The following MYOM1 variants were observed in gnomAD, a reference collection of about 807,000 sequenced individuals.
The protein encoded by MYOM1 is myomesin 1.
In MYOM1, 164 loss-of-function variants were observed where a neutral mutation model predicts 205.3. That is an observed-to-expected ratio of 0.80 (90% confidence interval 0.70 to 0.91). The LOEUF (loss-of-function observed/expected upper bound fraction) is 0.91. MYOM1 is among the 40% of genes least tolerant of loss of function. The pLI is 0.00. For synonymous variants in MYOM1, 772 were observed against 789.4 expected (o/e 0.98, Z 0.37); for missense variants, 2,011 against 2,127.3 (o/e 0.95, Z 1.08).
In MYOM1 at chr18:3,083,970, T is replaced by G; in HGVS notation, c.4378+19A>C. On this transcript the variant is annotated intron_variant, in intron 32 of 37. Transcript: ENST00000356443. ...GGAGGATCATAAAGCATTGTTGTGG[T>G]GCGAAATGTTTGACTCACCTATTTT... The G allele has an allele frequency of 6.3e-7, 1 of 1,586,794 alleles. No individual in the cohort carries two copies.
At chr18:3,079,586 C>G (rs992713681) in intron 33 of MYOM1, among the ~76,000 whole-genome samples, 1 of 151,104 alleles carries the variant, frequency 6.6e-6, no homozygotes, top group South Asian at 2.1e-4. Context: ...AGTCTGAGGC[C>G]CAGTGCAAAT....
At chr18:3,159,299 A>T (rs2144027472) in intron 10 of MYOM1, among the ~76,000 whole-genome samples, 1 of 152,236 alleles carries the variant, frequency 6.6e-6, no homozygotes, top group East Asian at 1.9e-4. Flanking sequence ...TTCTGCAGAC[A>T]TATGGTGCTT....
intron 8 of MYOM1, among the ~76,000 whole-genome samples, chr18:3,172,325 G>C (rs1421061584): frequency 6.6e-6 from 1 of 152,122 alleles, no homozygotes; most frequent in Non-Finnish European, 1.5e-5. Flanking sequence ...GTAAGATTTA[G>C]CAATAAGAGA....
intron 20 of MYOM1, among the ~76,000 whole-genome samples, chr18:3,116,869 T>C (rs932798864): frequency 1.3e-5 from 2 of 152,138 alleles, no homozygotes. Flanking sequence ...TTGATTTTTA[T>C]TTTTAGACAC....
chr18:3,140,943 C>T (rs945130551), intron 14 of MYOM1, among the ~76,000 whole-genome samples: 5 of 152,176 alleles, frequency 3.3e-5, no homozygotes, highest in Admixed American at 6.5e-5. Flanking sequence ...TGGTGCATCA[C>T]TACCAATAAA....
At chr18:3,121,103 AAG>A (rs1420545635) in intron 19 of MYOM1, among the ~76,000 whole-genome samples, 1 of 152,198 alleles carries the variant, frequency 6.6e-6, no homozygotes, top group African/African-American at 2.4e-5. Flanking sequence ...AAAAATGGGA[AAG>A]AGAGAAAAGT....
chr18:3,129,680 T>A (rs2079848062), intron 17 of MYOM1, 161 bp from the exon 18 acceptor site: 1 of 648,316 alleles, frequency 1.5e-6, no homozygotes, highest in South Asian at 2.9e-5. Flanking sequence ...ATGGAAAGAC[T>A]ACATTTCACA....
intron 10 of MYOM1, among the ~76,000 whole-genome samples, chr18:3,162,077 G>T (rs551287850): frequency 7.9e-5 from 12 of 152,288 alleles, no homozygotes; most frequent in Admixed American, 3.3e-4. Flanking sequence ...ACTCTATTTA[G>T]TGTAAGAGAG....
rs772656835 is a variant in MYOM1, at chr18:3,112,289, A to G, written c.3418+9T>C. ...TAGGATTAGTTTTAATGAAAAGGTG[A>G]AAGCCCACCTGGACGGGTCTCTGCC... is the stretch of plus-strand genomic sequence containing the variant. On this transcript the variant is annotated intron_variant, in intron 22 of 37. Coordinates refer to ENST00000356443, the MANE Select transcript of MYOM1 (RefSeq NM_003803.4). The G allele has an allele frequency of 5.6e-6, 9 of 1,611,720 alleles. No individual in the cohort carries two copies. In the East Asian group the frequency reaches 2.0e-4, roughly 36 times the overall value.
intron 5 of MYOM1, among the ~76,000 whole-genome samples, chr18:3,184,905 T>C (rs958973208): frequency 1.4e-4 from 21 of 152,214 alleles, no homozygotes; most frequent in African/African-American, 5.1e-4. Flanking sequence ...AATGAGCCCC[T>C]AGGACATAAA....
chr18:3,182,895 A>G (rs545389736), intron 5 of MYOM1, among the ~76,000 whole-genome samples: 3 of 149,984 alleles, frequency 2.0e-5, no homozygotes, highest in Non-Finnish European at 4.4e-5. Flanking sequence ...CATCCTCTGC[A>G]ACTAACTTTT....
At chr18:3,142,373 C>T (rs1279557600) in intron 13 of MYOM1, among the ~76,000 whole-genome samples, 1 of 152,060 alleles carries the variant, frequency 6.6e-6, no homozygotes, top group Non-Finnish European at 1.5e-5. Flanking sequence ...GTGATCCTCC[C>T]ACCTCAGCCT....
intron 10 of MYOM1, among the ~76,000 whole-genome samples, chr18:3,157,710 TAATAA>T (rs2080322629): frequency 6.8e-6 from 1 of 147,458 alleles, no homozygotes; most frequent in Non-Finnish European, 1.5e-5. Context: ...ATAATAATAA[TAATAA>T]TAATAATAAT....
chr18:3,074,802 T>C (rs2079002080), intron 36 of MYOM1, among the ~76,000 whole-genome samples: 1 of 152,154 alleles, frequency 6.6e-6, no homozygotes, highest in Non-Finnish European at 1.5e-5. Context: ...CTATTTTCTT[T>C]TGTTGTTGTT....
intron 2 of MYOM1, among the ~76,000 whole-genome samples, chr18:3,203,727 TC>T (rs1212471027): frequency 7.0e-6 from 1 of 143,262 alleles, no homozygotes; most frequent in East Asian, 2.0e-4. Context: ...CAATCATTTC[TC>T]TTTTTTTTTT....
intron 21 of MYOM1, among the ~76,000 whole-genome samples, chr18:3,114,913 T>C (rs1249599703): frequency 6.6e-6 from 1 of 152,170 alleles, no homozygotes; most frequent in Non-Finnish European, 1.5e-5. Context: ...TTTTTAAAAA[T>C]GAGTGACATT....
rs8092720 is a variant in MYOM1 at position 3,214,375 on chromosome 18, T to C, written c.290+559A>G. Among the ~76,000 whole-genome samples the C allele has an allele frequency of 1.6e-3, 243 of 152,098 alleles. 4 individuals carry two copies. The highest frequency in any genetic ancestry group is 0.011 in the South Asian group (54 of 4,828). On this transcript the variant is annotated intron_variant, in intron 2 of 37. Transcript: ENST00000356443. ...TTTGCCTGCTCTTAGAAATAGCAAA[T>C]TGGCAACACAAGCAAGACTCGCCCG...
chr18:3,085,998 G>C (rs1335942960), intron 30 of MYOM1, 40 bp downstream of exon 30: 3 of 1,285,288 alleles, frequency 2.3e-6, no homozygotes, highest in African/African-American at 2.9e-5. Flanking sequence ...ATAGAGGGTA[G>C]AGAGCTAATA....
At chr18:3,120,765 CATA>C (rs1280760905) in intron 19 of MYOM1, among the ~76,000 whole-genome samples, 1 of 152,208 alleles carries the variant, frequency 6.6e-6, no homozygotes, top group East Asian at 1.9e-4. Flanking sequence ...CTCAAGTTCT[CATA>C]ATGTTTCTGC....
Sources: allele counts gnomAD v4.1 joint callset (sites outside exome capture counted in the v4.1 genomes callset), GRCh38; gene constraint gnomAD v4.1.1; transcripts MANE v1.5; gene names NCBI Gene and HGNC (gene_info 2026-07-23, HGNC 2026-07-21).